The following MYEF2 variants were observed in gnomAD, a reference collection of about 807,000 sequenced individuals.
The protein encoded by MYEF2 is myelin expression factor 2, also known as myelin gene expression factor 2.
MYEF2 carries 37 observed loss-of-function variants against 75.2 expected under a neutral mutation model. The observed-to-expected ratio is 0.49, with a 90% CI of 0.38 to 0.65. The LOEUF is 0.65. MYEF2 is among the 30% of genes least tolerant of loss of function. The pLI is 0.00. For missense variants in MYEF2, 634 were observed against 771.4 expected (o/e 0.82, Z 2.11); for synonymous variants, 195 against 241.6 (o/e 0.81, Z 1.79).
chr15:48,164,291 G>A (rs1207644719), intron 5 of MYEF2, among the ~76,000 whole-genome samples: 1 of 152,182 alleles, frequency 6.6e-6, no homozygotes, highest in Non-Finnish European at 1.5e-5. Context: ...AATGGTGGAT[G>A]TAACTGAAGA....
intron 2 of MYEF2, among the ~76,000 whole-genome samples, chr15:48,167,813 T>C (rs1291509379): frequency 6.6e-6 from 1 of 152,126 alleles, no homozygotes; most frequent in African/African-American, 2.4e-5. Flanking sequence ...ATGTCTTCAA[T>C]CATGTTTGCC....
chr15:48,167,704 C>G (rs1162247393), intron 2 of MYEF2, among the ~76,000 whole-genome samples: 4 of 151,998 alleles, frequency 2.6e-5, no homozygotes. Flanking sequence ...ACAAATGGTC[C>G]CTTAACCTAT....
At chr15:48,147,524 T>C (rs753103344) in intron 16 of MYEF2, among the ~76,000 whole-genome samples, 5 of 151,914 alleles carry the variant, frequency 3.3e-5, no homozygotes, top group Non-Finnish European at 7.4e-5. Context: ...TAAGACCCTA[T>C]ATACATTCTT....
Position 48,153,811 on chromosome 15 carries a change from C to A in MYEF2, c.1068G>T (p.Met356Ile). The change falls in exon 10 of 17, where the codon ATG becomes ATT. Residue 356 changes from methionine (M) to isoleucine (I), a missense_variant. Transcript: ENST00000324324. ...SASQLNIGGV[M>I]GNLGPGGMGM... ...ACTCACCACCTGGACCTAAATTTCC[C>A]ATTACTCCACCTATGTTCAACTGGC... 1 of 1,613,232 alleles carries A rather than the reference C, an allele frequency of 6.2e-7. No homozygotes were observed. The highest frequency in any genetic ancestry group is 1.1e-5 in the South Asian group (1 of 91,018).
intron 3 of MYEF2, 68 bp from the exon 4 acceptor site, chr15:48,166,196 T>C: frequency 8.0e-7 from 1 of 1,253,940 alleles, no homozygotes; most frequent in South Asian, 1.4e-5. Flanking sequence ...ATGAAGTTAA[T>C]AATCAGTTCT....
Position 48,137,012 on chromosome 15 carries a change from CT to C in MYEF2, c.*5895del. On this transcript the variant is annotated 3_prime_UTR_variant, in exon 17 of 17. Coordinates refer to ENST00000324324, the MANE Select transcript of MYEF2 (RefSeq NM_016132.5). ...ATTAAGTCTATTCGCAAAGGAAAAA[CT>C]TTAAAATTTCATTTCAATTCAGCAA... The C allele has an allele frequency of 1.3e-6, 2 of 1,530,790 alleles. No individual in the cohort carries two copies. The allele number at this position is 1,530,790 out of a possible 1,614,324, so 94.8% of individuals were successfully genotyped here.
Position 48,158,734 on chromosome 15 carries a change from C to T in MYEF2, c.871+35G>A, listed in dbSNP as rs762382138. 1.9e-6 allele frequency: 3 copies of T among 1,611,538 alleles called. No individual in the cohort carries two copies. The Admixed American group carries it at 5.0e-5, about 27-fold the overall frequency. ...CAAAGGTGGTATTATGCTTCTTCAA[C>T]CTCATAAACAATGCTGAAATGTAAA... On this transcript the variant is annotated intron_variant, in intron 7 of 16. Transcript: ENST00000324324.
At chr15:48,153,209 T>C (rs2039561749) in intron 10 of MYEF2, 1 of 152,182 alleles carries the variant, frequency 6.6e-6, no homozygotes. Context: ...TATGTTAACA[T>C]GTAATGAGTT....
intron 3 of MYEF2, 54 bp downstream of exon 3, chr15:48,167,295 T>C (rs2040167820): frequency 9.6e-6 from 15 of 1,561,794 alleles, no homozygotes; most frequent in Non-Finnish European, 1.2e-5. Context: ...ATACAAAAAG[T>C]AAACTGCTGA....
In MYEF2 at chr15:48,151,114, A is replaced by G. The variant is rs2039476225; in HGVS notation, c.1364T>C (p.Val455Ala). ...GRIGSSNMGPVGSGISGGMGS... is the reference protein window; with the variant it reads ...GRIGSSNMGPAGSGISGGMGS... The stretch of plus-strand genomic sequence containing the variant: ...TTTAAACCTACTTATTCCAGATCCT[A>G]CTGGACCCATGTTAGAAGATCCTAT... The change falls in exon 14 of 17, where the codon GTA becomes GCA. Residue 455 changes from valine to alanine, a missense_variant. Coordinates refer to ENST00000324324, the MANE Select transcript of MYEF2 (RefSeq NM_016132.5). The G allele has an allele frequency of 1.2e-6, 2 of 1,609,386 alleles. No individual in the cohort carries two copies. The highest frequency in any genetic ancestry group is 2.7e-5 in the African/African-American group (2 of 74,678).
intron 5 of MYEF2, among the ~76,000 whole-genome samples, chr15:48,164,956 T>C (rs774670928): frequency 1.5e-4 from 23 of 152,196 alleles, no homozygotes; most frequent in African/African-American, 2.4e-4. Context: ...ATTTGCTTTA[T>C]TGCAGTAGTC....
Position 48,166,049 on chromosome 15 carries a change from G to A in MYEF2, c.432-23C>T, listed in dbSNP as rs375758766. On this transcript the variant is annotated intron_variant, in intron 4 of 16. Transcript: ENST00000324324. Reference sequence around the variant, plus strand: ...ACACTTAATAGGGAAAAAATTTATAGGAAATGTTTATGTGCTAATTTTTTT... The same window carrying A: ...ACACTTAATAGGGAAAAAATTTATAAGAAATGTTTATGTGCTAATTTTTTT... 7.7e-6 allele frequency: 12 copies of A among 1,568,556 alleles called. No homozygotes were observed. In the African/African-American group the frequency reaches 1.5e-4, roughly 20 times the overall value.
At chr15:48,162,080 T>A (rs529772576) in intron 5 of MYEF2, among the ~76,000 whole-genome samples, 148 of 151,914 alleles carry the variant, frequency 9.7e-4, no homozygotes, top group African/African-American at 3.2e-3. Context: ...ATAACTTTTT[T>A]AATAATAAAC....
At chr15:48,171,067 A>T (rs2040321845) in intron 1 of MYEF2, among the ~76,000 whole-genome samples, 1 of 152,180 alleles carries the variant, frequency 6.6e-6, no homozygotes, top group African/African-American at 2.4e-5. Flanking sequence ...GAAAGTACCT[A>T]CCTGTCTAAA....
At chr15:48,145,581 G>C (rs1224474283) in intron 16 of MYEF2, among the ~76,000 whole-genome samples, 1 of 151,804 alleles carries the variant, frequency 6.6e-6, no homozygotes, top group Admixed American at 6.6e-5. Context: ...TTGTCCCACA[G>C]TAAAAGAAAC....
In MYEF2 at chr15:48,160,486, T is replaced by TACACACACACACAC. The variant is rs372090273; in HGVS notation, c.526-696_526-683dup. The stretch of plus-strand genomic sequence containing the variant: ...CCCTACCTTTAAACAAAACCAAACA[T>TACACACACACACAC]ACACACACACACACACACACACACA... On this transcript the variant is annotated intron_variant, in intron 5 of 16. Coordinates refer to ENST00000324324, the MANE Select transcript of MYEF2 (RefSeq NM_016132.5). Among the ~76,000 whole-genome samples, 624 of 139,300 alleles carry TACACACACACACAC rather than the reference T, an allele frequency of 4.5e-3. 6 individuals carry two copies. The highest frequency in any genetic ancestry group is 0.016 in the African/African-American group (599 of 37,924). 91.4% of individuals were successfully genotyped at this position (139,300 alleles called of 152,430 possible).
rs2038885811 is a variant in MYEF2 at position 48,135,853 on chromosome 15, AC to A, written c.*7054del. 1 of 152,146 alleles carries A rather than the reference AC, an allele frequency of 6.6e-6. No individual in the cohort carries two copies. Among genetic ancestry groups the A allele is most frequent in the Admixed American group, 6.6e-5 (1 of 15,256 alleles). The allele number at this position is 152,146 out of a possible 1,614,324, so 9.4% of individuals were successfully genotyped here. The stretch of plus-strand genomic sequence containing the variant: ...CTGTCCTCTAGTCCGTCTCCCTAAG[AC>A]ACTGTGTTGGTAGAATAGAAATCCT... On this transcript the variant is annotated 3_prime_UTR_variant, in exon 17 of 17. Transcript: ENST00000324324.
chr15:48,146,467 C>A (rs771303778), intron 16 of MYEF2, among the ~76,000 whole-genome samples: 1 of 151,854 alleles, frequency 6.6e-6, no homozygotes, highest in Non-Finnish European at 1.5e-5. Flanking sequence ...TGAAAACAAT[C>A]TTTTCTGAAT....
intron 9 of MYEF2, among the ~76,000 whole-genome samples, chr15:48,155,002 G>C (rs1263896860): frequency 6.6e-6 from 1 of 151,820 alleles, no homozygotes; most frequent in Non-Finnish European, 1.5e-5. Flanking sequence ...ATATCCAGAA[G>C]AATCCAAGAT....
Sources: allele counts gnomAD v4.1 joint callset (sites outside exome capture counted in the v4.1 genomes callset), GRCh38; gene constraint gnomAD v4.1.1; transcripts MANE v1.5; gene names NCBI Gene and HGNC (gene_info 2026-07-23, HGNC 2026-07-21).